The following STX8 variants were observed in gnomAD, a reference collection of about 807,000 sequenced individuals.
The protein encoded by STX8 is syntaxin-8.
A neutral mutation model predicts 37.5 loss-of-function variants in STX8; 23 were observed. The ratio of observed to expected loss-of-function variants is 0.61; its 90% CI spans 0.44 to 0.87. The LOEUF (loss-of-function observed/expected upper bound fraction) is 0.87, where lower values mean the gene tolerates loss of function less well. STX8 is among the 40% of genes least tolerant of loss of function. The pLI is 0.00. For missense variants in STX8, 313 were observed against 284.7 expected (o/e 1.10, Z -0.71); for synonymous variants, 115 against 99.1 (o/e 1.16, Z -0.95).
chr17:9,360,475 A>G (rs796147214), intron 7 of STX8, among the ~76,000 whole-genome samples: 1 of 151,834 alleles, frequency 6.6e-6, no homozygotes, highest in Non-Finnish European at 1.5e-5. Context: ...ACCTCAGGTG[A>G]TCTGCCTGCC....
At chr17:9,488,817 A>AGT (rs773052268) in intron 6 of STX8, among the ~76,000 whole-genome samples, 67 of 88,138 alleles carry the variant, frequency 7.6e-4, no homozygotes, top group Middle Eastern at 5.1e-3. Flanking sequence ...AGAGAGAGAG[A>AGT]GAGAGTGTGT....
At chr17:9,390,247 C>A (rs892158273) in intron 6 of STX8, among the ~76,000 whole-genome samples, 1 of 152,138 alleles carries the variant, frequency 6.6e-6, no homozygotes, top group South Asian at 2.1e-4. Flanking sequence ...GGAGTCTGGA[C>A]GCAGTGGCTC....
chr17:9,331,985 G>T (rs1361062868), intron 7 of STX8, among the ~76,000 whole-genome samples: 1 of 152,150 alleles, frequency 6.6e-6, no homozygotes, highest in African/African-American at 2.4e-5. Flanking sequence ...TAAAATACTT[G>T]GGCGGCTAAC....
chr17:9,440,771 C>T (rs1312543860), intron 6 of STX8, among the ~76,000 whole-genome samples: 4 of 152,108 alleles, frequency 2.6e-5, no homozygotes, highest in African/African-American at 7.2e-5. Context: ...GTGATCCACC[C>T]GCCTCGGCCT....
intron 7 of STX8, among the ~76,000 whole-genome samples, chr17:9,307,639 C>T (rs146046387): frequency 6.6e-6 from 1 of 152,274 alleles, no homozygotes; most frequent in African/African-American, 2.4e-5. Context: ...TTAACAGTTT[C>T]CCACTATTGT....
intron 7 of STX8, among the ~76,000 whole-genome samples, chr17:9,368,281 A>G (rs1018390243): frequency 1.3e-5 from 2 of 152,084 alleles, no homozygotes; most frequent in Admixed American, 1.3e-4. Context: ...GAGGAGGGCC[A>G]ATCACGAGGT....
At chr17:9,515,131 T>G (rs1434263805) in intron 4 of STX8, among the ~76,000 whole-genome samples, 1 of 152,176 alleles carries the variant, frequency 6.6e-6, no homozygotes, top group Non-Finnish European at 1.5e-5. Context: ...TGCATTCTGG[T>G]GGGATGAAAC....
rs185386255 is a variant in STX8, at chr17:9,479,260, G to A, written c.541+12569C>T. Among the ~76,000 whole-genome samples the A allele has an allele frequency of 3.9e-4, 59 of 152,170 alleles. 1 individual carries two copies. The highest frequency in any genetic ancestry group is 1.3e-3 in the African/African-American group (52 of 41,528). On this transcript the variant is annotated intron_variant, in intron 6 of 7. Transcript: ENST00000306357. ...ATAGTATACCATATATAGGCCAGGC[G>A]CGGTGGCTCACTCCTGCAATCCCAG...
chr17:9,574,156 A>C (rs1246803866), intron 1 of STX8, among the ~76,000 whole-genome samples: 2 of 151,844 alleles, frequency 1.3e-5, no homozygotes, highest in Admixed American at 6.6e-5. Flanking sequence ...CTGTAGTCCC[A>C]GCTACTCCAG....
intron 4 of STX8, among the ~76,000 whole-genome samples, chr17:9,538,646 ATCT>A (rs1906156833): frequency 6.6e-6 from 1 of 152,326 alleles, no homozygotes; most frequent in Non-Finnish European, 1.5e-5. Flanking sequence ...TTTCATTATC[ATCT>A]TCTTTTGATT....
intron 6 of STX8, among the ~76,000 whole-genome samples, chr17:9,421,495 A>G (rs1261528744): frequency 1.4e-5 from 2 of 147,830 alleles, no homozygotes; most frequent in East Asian, 2.1e-4. Flanking sequence ...AATACAATGT[A>G]GCAGAATACA....
chr17:9,574,637 C>T (rs1352458932), intron 1 of STX8, among the ~76,000 whole-genome samples: 1 of 151,880 alleles, frequency 6.6e-6, no homozygotes, highest in African/African-American at 2.4e-5. Flanking sequence ...CGGGTTCAAG[C>T]GATTCTCCTG....
chr17:9,573,068 C>CCCA (rs1399144058), intron 1 of STX8, among the ~76,000 whole-genome samples: 1 of 97,268 alleles, frequency 1.0e-5, no homozygotes, highest in Non-Finnish European at 2.2e-5. Flanking sequence ...AAATTCTAAG[C>CCCA]CCACCCCCAA....
At chr17:9,487,848 G>C (rs1246067901) in intron 6 of STX8, among the ~76,000 whole-genome samples, 1 of 152,158 alleles carries the variant, frequency 6.6e-6, no homozygotes, top group Admixed American at 6.5e-5. Context: ...GCATGTGGGG[G>C]ATTTAGACCT....
chr17:9,472,713 G>A (rs1036400552), intron 6 of STX8, among the ~76,000 whole-genome samples: 3 of 152,202 alleles, frequency 2.0e-5, no homozygotes, highest in Admixed American at 6.5e-5. Context: ...TAGGAACAGC[G>A]GTGAATGAAG....
chr17:9,478,326 G>C (rs1696886889), intron 6 of STX8, among the ~76,000 whole-genome samples: 1 of 152,098 alleles, frequency 6.6e-6, no homozygotes, highest in African/African-American at 2.4e-5. Flanking sequence ...AGTAGAGACG[G>C]GGTTTCGCCA....
At chr17:9,334,648 C>G (rs112412601) in intron 7 of STX8, among the ~76,000 whole-genome samples, 4,610 of 152,192 alleles carry the variant, frequency 0.03, 217 homozygotes, top group African/African-American at 0.1. Flanking sequence ...TACATGTTTG[C>G]TTAGTTTTGT....
intron 7 of STX8, among the ~76,000 whole-genome samples, chr17:9,258,878 T>G (rs117525535): frequency 0.037 from 5,700 of 152,322 alleles, 157 homozygotes; most frequent in Admixed American, 0.064. Context: ...GCCGAAGCCT[T>G]GAAGGCTCAT....
At chr17:9,461,729 C>T (rs926957341) in intron 6 of STX8, among the ~76,000 whole-genome samples, 10 of 151,994 alleles carry the variant, frequency 6.6e-5, no homozygotes, top group African/African-American at 9.7e-5. Flanking sequence ...TTACATTTAT[C>T]GCGCACTTTA....
Sources: allele counts gnomAD v4.1 joint callset (sites outside exome capture counted in the v4.1 genomes callset), GRCh38; gene constraint gnomAD v4.1.1; transcripts MANE v1.5; gene names NCBI Gene and HGNC (gene_info 2026-07-23, HGNC 2026-07-21).